Variants in GARNL3 observed in about 807,000 individuals in gnomAD.
GARNL3 encodes the protein GTPase-activating Rap/Ran-GAP domain-like protein 3.
In GARNL3, 63 loss-of-function variants were observed where a neutral mutation model predicts 125.0. The ratio of observed to expected loss-of-function variants is 0.50; its 90% CI spans 0.41 to 0.62. GARNL3 has a LOEUF of 0.62. GARNL3 is among the 20% of genes least tolerant of loss of function. GARNL3 has a pLI of 0.00. For synonymous variants in GARNL3, 439 were observed against 457.5 expected (o/e 0.96, Z 0.52); for missense variants, 994 against 1,244.0 (o/e 0.80, Z 3.02).
intron 1 of GARNL3, among the ~76,000 whole-genome samples, chr9:127,233,575 CT>C (rs1235233184): frequency 6.6e-6 from 1 of 152,054 alleles, no homozygotes; most frequent in African/African-American, 2.4e-5. Context: ...AAAAGCCTGC[CT>C]TAGTTAAGTG....
At position 127,301,925 on chromosome 9, in the gene GARNL3, C is replaced by CTTTT. The variant is rs754780368; in HGVS notation, c.220-9681_220-9678dup. On this transcript the variant is annotated intron_variant, in intron 2 of 27. Transcript: ENST00000373387. The stretch of plus-strand genomic sequence containing the variant: ...TCTATCTTCCTTAGCATTGGGAGGA[C>CTTTT]TTTTTTTTTTTTTTTTTTTTTTTTT... 4.2e-3 allele frequency among the ~76,000 whole-genome samples: 191 copies of CTTTT among 45,438 alleles called. 19 individuals carry two copies. Among genetic ancestry groups the CTTTT allele is most frequent in the Non-Finnish European group, 5.0e-3 (142 of 28,242 alleles). The allele number at this position is 45,438 out of a possible 152,430, so 29.8% of individuals were successfully genotyped here. A position where few individuals can be genotyped will look rare whatever the true frequency, so the allele number is the denominator to read the frequency against.
In GARNL3 at chr9:127,325,050, T is replaced by C. The variant is rs1349027431; in HGVS notation, c.568-19T>C. 6.2e-7 allele frequency: 1 copy of C among 1,612,618 alleles called. No individual in the cohort carries two copies. Among genetic ancestry groups the C allele is most frequent in the South Asian group, 1.1e-5 (1 of 91,000 alleles). On this transcript the variant is annotated intron_variant, in intron 6 of 27. Transcript: ENST00000373387. ...TTACTGTTATGCCTGGATGTAACTTTTAAAACTTTATTTGACAGGACTTGC... is the reference window on the plus strand; with the variant it reads ...TTACTGTTATGCCTGGATGTAACTTCTAAAACTTTATTTGACAGGACTTGC...
At chr9:127,229,182 T>C (rs1263442172) in intron 1 of GARNL3, among the ~76,000 whole-genome samples, 2 of 152,254 alleles carry the variant, frequency 1.3e-5, no homozygotes, top group Non-Finnish European at 2.9e-5. Flanking sequence ...TGTTCATCTA[T>C]ACCTTCTCCC....
intron 22 of GARNL3, 63 bp downstream of exon 22, chr9:127,365,429 C>A: frequency 8.0e-7 from 1 of 1,256,216 alleles, no homozygotes; most frequent in Non-Finnish European, 1.2e-6. Context: ...TTTTTCTGGG[C>A]AATTTAAAAA....
At chr9:127,287,342 C>CA (rs1255594070) in intron 1 of GARNL3, among the ~76,000 whole-genome samples, 1 of 151,706 alleles carries the variant, frequency 6.6e-6, no homozygotes, top group Non-Finnish European at 1.5e-5. Context: ...AATCTTCTCC[C>CA]AAAAAAAGAA....
At chr9:127,336,423 G>T (rs1374327362) in intron 11 of GARNL3, among the ~76,000 whole-genome samples, 187 bp downstream of exon 11, 1 of 152,146 alleles carries the variant, frequency 6.6e-6, no homozygotes, top group Non-Finnish European at 1.5e-5. Flanking sequence ...CATTTCAGTA[G>T]TAGATGGATT....
chr9:127,355,241 TG>T lies in GARNL3; in HGVS notation c.1760-51del. The T allele has an allele frequency of 2.7e-6, 4 of 1,494,448 alleles. No individual in the cohort carries two copies. In the South Asian group the frequency reaches 3.4e-5, roughly 13 times the overall value. The allele number at this position is 1,494,448 out of a possible 1,614,324, so 92.6% of individuals were successfully genotyped here. On this transcript the variant is annotated intron_variant, in intron 19 of 27. Transcript: ENST00000373387. Reference sequence around the variant, plus strand: ...TAGGTATTGCCAAATTGTCAAGGTCTGGGGGCTTCCACACCCGCATGTCATG... The same window carrying T: ...TAGGTATTGCCAAATTGTCAAGGTCTGGGGCTTCCACACCCGCATGTCATG...
chr9:127,356,182 T>C (rs1437180218), intron 20 of GARNL3, among the ~76,000 whole-genome samples: 1 of 152,194 alleles, frequency 6.6e-6, no homozygotes, highest in Non-Finnish European at 1.5e-5. Flanking sequence ...TTGTCCTGGC[T>C]TCTGGGTAGA....
At chr9:127,283,278 T>A (rs934586686) in intron 1 of GARNL3, among the ~76,000 whole-genome samples, 1 of 152,194 alleles carries the variant, frequency 6.6e-6, no homozygotes, top group Non-Finnish European at 1.5e-5. Context: ...TATGGAAATA[T>A]TTTTATCTGT....
chr9:127,325,769 G>A (rs1401753701), intron 7 of GARNL3, among the ~76,000 whole-genome samples: 2 of 152,098 alleles, frequency 1.3e-5, no homozygotes, highest in African/African-American at 4.8e-5. Flanking sequence ...ACTCTGGTGT[G>A]GGGATGCCAC....
intron 2 of GARNL3, among the ~76,000 whole-genome samples, chr9:127,256,312 G>C (rs1453076440): frequency 6.6e-6 from 1 of 152,194 alleles, no homozygotes; most frequent in East Asian, 1.9e-4. Context: ...ATGTTTCCCA[G>C]GTTTCTGGAT....
intron 16 of GARNL3, 32 bp from the exon 17 acceptor site, chr9:127,348,892 A>C: frequency 6.9e-7 from 1 of 1,457,108 alleles, no homozygotes; most frequent in Non-Finnish European, 9.6e-7. Context: ...TTTCTGGTGC[A>C]CTTATCTTCC....
At chr9:127,341,431 G>T (rs1829853700) in intron 13 of GARNL3, among the ~76,000 whole-genome samples, 1 of 152,198 alleles carries the variant, frequency 6.6e-6, no homozygotes, top group Non-Finnish European at 1.5e-5. Flanking sequence ...GGCCAGGGTT[G>T]CCAGATACTC....
intron 13 of GARNL3, among the ~76,000 whole-genome samples, chr9:127,341,934 G>A (rs1052883569): frequency 6.6e-6 from 1 of 152,122 alleles, no homozygotes; most frequent in Non-Finnish European, 1.5e-5. Flanking sequence ...GGTAGCAGCC[G>A]GCGGATCATA....
At chr9:127,228,031 A>G (rs2062943853) in intron 1 of GARNL3, among the ~76,000 whole-genome samples, 2 of 152,240 alleles carry the variant, frequency 1.3e-5, no homozygotes, top group South Asian at 4.1e-4. Context: ...CTAGGTATTA[A>G]CTAGCCTTTT....
At chr9:127,231,859 G>T (rs2063025235) in intron 1 of GARNL3, among the ~76,000 whole-genome samples, 1 of 152,328 alleles carries the variant, frequency 6.6e-6, no homozygotes, top group African/African-American at 2.4e-5. Flanking sequence ...CACCCCCAGA[G>T]ATTCTGATTC....
At chr9:127,360,378 G>A (rs992021098) in intron 21 of GARNL3, among the ~76,000 whole-genome samples, 110 of 152,284 alleles carry the variant, frequency 7.2e-4, no homozygotes, top group African/African-American at 2.6e-3. Flanking sequence ...GGCTCTGAGA[G>A]GATCAGCGTG....
chr9:127,277,813 C>G (rs1035242132), intron 1 of GARNL3, among the ~76,000 whole-genome samples: 1 of 152,154 alleles, frequency 6.6e-6, no homozygotes, highest in African/African-American at 2.4e-5. Flanking sequence ...CCTGATTCCC[C>G]TATGGGAAAG....
In GARNL3 at chr9:127,357,387, C is replaced by A. The variant is rs1232660758; in HGVS notation, c.2094+10C>A. On this transcript the variant is annotated intron_variant, in intron 21 of 27. Transcript: ENST00000373387. ...CGTGGAGGCCAACAGGGTAAGCCAG[C>A]GGTTGTGGGGACAAGTGAGAATCAG... The A allele has an allele frequency of 1.2e-6, 2 of 1,612,150 alleles. No individual in the cohort carries two copies. Among genetic ancestry groups the A allele is most frequent in the Non-Finnish European group, 1.7e-6 (2 of 1,179,382 alleles).
Sources: gnomAD v4.1 joint callset for allele counts (sites outside exome capture counted in the v4.1 genomes callset) on GRCh38, gnomAD v4.1.1 for gene constraint, MANE v1.5 for transcripts, NCBI Gene and HGNC (gene_info 2026-07-23, HGNC 2026-07-21) for gene names.